Variants in DMD observed in about 807,000 individuals in gnomAD.
DMD encodes the protein dystrophin.
DMD carries 63 observed loss-of-function variants against 330.1 expected under a neutral mutation model. That is an observed-to-expected ratio of 0.19 (90% CI 0.16 to 0.24). The LOEUF is 0.24. Ranked by LOEUF, DMD falls within the 10% of genes least tolerant of loss-of-function variation. The probability of loss-of-function intolerance (pLI) is 1.00; values close to 1 mark genes in which losing one functional copy is unlikely to be tolerated. For missense variants in DMD, 3,344 were observed against 2,684.1 expected (o/e 1.25, Z -5.43); for synonymous variants, 1,223 against 959.8 (o/e 1.27, Z -5.07).
At chrX:32,656,953 T>A (rs2060617792) in intron 9 of DMD, among the ~76,000 whole-genome samples, 1 of 111,419 alleles carries the variant, frequency 9.0e-6, no homozygotes, top group South Asian at 3.7e-4. Context: ...CTATTCATAT[T>A]TCATATGTGT....
chrX:32,155,973 AACACACACACACACAC>A (rs60347530), intron 44 of DMD, among the ~76,000 whole-genome samples: 10,552 of 95,607 alleles, frequency 0.11, 476 homozygotes, highest in Admixed American at 0.17. Context: ...TTTGTCATTC[AACACACACACACACAC>A]ACACACACAC....
intron 2 of DMD, among the ~76,000 whole-genome samples, chrX:32,860,460 G>T (rs1361572312): frequency 9.0e-6 from 1 of 111,515 alleles, no homozygotes; most frequent in East Asian, 2.8e-4. Context: ...CAAAAATATC[G>T]CAAATACCAC....
chrX:31,340,600 G>A (rs1039372366), intron 61 of DMD, among the ~76,000 whole-genome samples: 3 of 111,383 alleles, frequency 2.7e-5, no homozygotes, highest in African/African-American at 9.8e-5. Flanking sequence ...TTCCCTTAAT[G>A]TATTACATGG....
rs191388906 is a variant in DMD, at chrX:32,717,845, G to A, written c.650-18552C>T. Among the ~76,000 whole-genome samples the A allele has an allele frequency of 6.9e-3, 771 of 111,801 alleles. 2 individuals are homozygous for A. The highest frequency in any genetic ancestry group is 0.018 in the Middle Eastern group (4 of 218). The stretch of plus-strand genomic sequence containing the variant: ...CACTGTGGCTTGGATGAGATGTGGA[G>A]TCAAAGGAAATTATTTTGGAGCTTT... On this transcript the variant is annotated intron_variant, in intron 7 of 78. Transcript: ENST00000357033.
At chrX:33,026,115 C>G (rs1052492412) in intron 1 of DMD, among the ~76,000 whole-genome samples, 1 of 108,488 alleles carries the variant, frequency 9.2e-6, no homozygotes, top group Non-Finnish European at 1.9e-5. Context: ...GTGGGCGGAT[C>G]ATGAGGTCAG....
At chrX:32,059,110 C>G (rs1037533920) in intron 44 of DMD, among the ~76,000 whole-genome samples, 1 of 110,693 alleles carries the variant, frequency 9.0e-6, no homozygotes, top group South Asian at 3.8e-4. Context: ...TGGTGAGATG[C>G]TGTGCAATGG....
chrX:31,292,923 G>C (rs1266860529), intron 62 of DMD, among the ~76,000 whole-genome samples: 1 of 110,971 alleles, frequency 9.0e-6, no homozygotes, highest in Non-Finnish European at 1.9e-5. Flanking sequence ...TTATAAGGCA[G>C]AGTAGCAGTT....
At chrX:31,354,746 TC>T (rs979893924) in intron 60 of DMD, among the ~76,000 whole-genome samples, 13 of 112,234 alleles carry the variant, frequency 1.2e-4, no homozygotes, top group African/African-American at 3.9e-4. Context: ...AAGTTTATTG[TC>T]CACAAAGACA....
intron 2 of DMD, among the ~76,000 whole-genome samples, chrX:32,999,154 G>A (rs905212244): frequency 8.9e-6 from 1 of 112,479 alleles, no homozygotes; most frequent in African/African-American, 3.2e-5. Flanking sequence ...ATAGCAGTAG[G>A]GAAAATTTTG....
At chrX:31,284,157 G>A (rs934852270) in intron 62 of DMD, among the ~76,000 whole-genome samples, 3 of 111,676 alleles carry the variant, frequency 2.7e-5, no homozygotes, top group Admixed American at 9.5e-5. Context: ...TACTGAAAGT[G>A]AAAAACAGAG....
chrX:32,046,718 T>C (rs2096066916), intron 44 of DMD, among the ~76,000 whole-genome samples: 1 of 111,878 alleles, frequency 8.9e-6, no homozygotes, highest in Admixed American at 9.5e-5. Context: ...GCATTTTTTT[T>C]GTTTTAAATA....
chrX:32,121,598 T>C (rs1411642013), intron 44 of DMD, among the ~76,000 whole-genome samples: 3 of 87,105 alleles, frequency 3.4e-5, no homozygotes, highest in African/African-American at 1.3e-4. Flanking sequence ...TCTTTTCAAA[T>C]AAGGTTTTCA....
intron 60 of DMD, among the ~76,000 whole-genome samples, chrX:31,394,148 A>T (rs1176626424): frequency 2.7e-5 from 3 of 112,533 alleles, no homozygotes; most frequent in Non-Finnish European, 5.6e-5. Context: ...CCATCTCAAA[A>T]ATATTAGATT....
intron 2 of DMD, among the ~76,000 whole-genome samples, chrX:32,885,380 G>A (rs1351334512): frequency 9.0e-6 from 1 of 111,184 alleles, no homozygotes; most frequent in Non-Finnish European, 1.9e-5. Flanking sequence ...TTGCATCTTG[G>A]AACTGCACTA....
chrX:32,833,891 C>A (rs1033618895), intron 4 of DMD, among the ~76,000 whole-genome samples: 1 of 110,045 alleles, frequency 9.1e-6, no homozygotes, highest in Non-Finnish European at 1.9e-5. Context: ...ATACTAATTT[C>A]CCTTAAAGCA....
chrX:32,672,830 GAAGAGCCAA>G (rs985526560), intron 9 of DMD, among the ~76,000 whole-genome samples: 2 of 110,881 alleles, frequency 1.8e-5, no homozygotes, highest in Admixed American at 9.7e-5. Flanking sequence ...ACGGAAGAGT[GAAGAGCCAA>G]AAGAGCCACT....
intron 54 of DMD, among the ~76,000 whole-genome samples, chrX:31,648,408 C>T (rs1412772932): frequency 9.2e-6 from 1 of 108,293 alleles, no homozygotes; most frequent in Non-Finnish European, 1.9e-5. Context: ...TTCAGAAATG[C>T]CACAAAAACA....
At chrX:32,856,752 G>C (rs1250855929) in intron 2 of DMD, among the ~76,000 whole-genome samples, 1 of 111,621 alleles carries the variant, frequency 9.0e-6, no homozygotes, top group African/African-American at 3.3e-5. Flanking sequence ...CAACACAAGA[G>C]GGTGATTACA....
At chrX:31,295,939 G>A (rs1378677421) in intron 62 of DMD, among the ~76,000 whole-genome samples, 2 of 108,633 alleles carry the variant, frequency 1.8e-5, no homozygotes, top group African/African-American at 6.7e-5. Flanking sequence ...AGTATTAAGC[G>A]TACAGAAGCA....
Sources: gnomAD v4.1 joint callset for allele counts (sites outside exome capture counted in the v4.1 genomes callset) on GRCh38, gnomAD v4.1.1 for gene constraint, MANE v1.5 for transcripts, NCBI Gene and HGNC (gene_info 2026-07-23, HGNC 2026-07-21) for gene names.